Variants in DCBLD2 observed in about 807,000 individuals in gnomAD.
The protein encoded by DCBLD2 is discoidin, CUB and LCCL domain containing 2.
DCBLD2 carries 54 observed loss-of-function variants against 86.8 expected under a neutral mutation model. The observed-to-expected ratio is 0.62, with a 90% CI of 0.50 to 0.78. The LOEUF (loss-of-function observed/expected upper bound fraction) is 0.78, where lower values mean the gene tolerates loss of function less well. DCBLD2 is among the 30% of genes least tolerant of loss of function. The pLI is 0.00. For synonymous variants in DCBLD2, 354 were observed against 341.3 expected (o/e 1.04, Z -0.41); for missense variants, 908 against 954.2 (o/e 0.95, Z 0.64).
intron 9 of DCBLD2, 188 bp from the exon 10 acceptor site, chr3:98,812,670 C>A: frequency 2.1e-6 from 1 of 486,868 alleles, no homozygotes; most frequent in Non-Finnish European, 3.5e-6. Flanking sequence ...ACATTTTTAT[C>A]AAAAGTTTAT....
intron 3 of DCBLD2, among the ~76,000 whole-genome samples, chr3:98,827,459 A>G (rs1559776201): frequency 6.6e-6 from 1 of 152,222 alleles, no homozygotes; most frequent in African/African-American, 2.4e-5. Context: ...AATCTGGTCA[A>G]CTATGGATTA....
chr3:98,863,662 G>T (rs1384665541), intron 2 of DCBLD2, among the ~76,000 whole-genome samples: 4 of 152,180 alleles, frequency 2.6e-5, no homozygotes, highest in Non-Finnish European at 4.4e-5. Context: ...CTAGCCATAT[G>T]TAGAAAGCTG....
intron 2 of DCBLD2, among the ~76,000 whole-genome samples, chr3:98,854,747 A>C (rs1942902659): frequency 6.6e-6 from 1 of 152,198 alleles, no homozygotes; most frequent in South Asian, 2.1e-4. Flanking sequence ...TATTCTTCTT[A>C]AGCAGCAGAT....
At chr3:98,850,435 C>CT (rs1346288750) in intron 2 of DCBLD2, among the ~76,000 whole-genome samples, 40 of 152,250 alleles carry the variant, frequency 2.6e-4, no homozygotes, top group African/African-American at 9.4e-4. Flanking sequence ...CGCATGTGGC[C>CT]TGCAGGCCAC....
At chr3:98,857,254 T>C (rs1228650412) in intron 2 of DCBLD2, among the ~76,000 whole-genome samples, 1 of 152,028 alleles carries the variant, frequency 6.6e-6, no homozygotes, top group Non-Finnish European at 1.5e-5. Flanking sequence ...TTGCGGTGAG[T>C]GTTACAGCTC....
In DCBLD2 at chr3:98,819,345, T is replaced by C. The variant is rs775306628; in HGVS notation, c.944A>G (p.Glu315Gly). 6.2e-7 allele frequency: 1 copy of C among 1,613,726 alleles called. No homozygotes were observed. Among genetic ancestry groups the C allele is most frequent in the Admixed American group, 1.7e-5 (1 of 59,988 alleles). The change falls in exon 8 of 16, where the codon GAG becomes GGG. Residue 315 changes from glutamate (E) to glycine (G), a missense_variant. Glu to Gly is a moderately conservative substitution (Grantham distance 98). Transcript: ENST00000326840. ...CTCTTGCCCTGTGTGGTCAGTCCAC[T>C]CCAGCACAGATGATGCTGTTATTTG... is the stretch of plus-strand genomic sequence containing the variant. ...DPQITASSVL[E>G]WTDHTGQENS...
At chr3:98,827,655 A>G (rs1453930965) in intron 3 of DCBLD2, among the ~76,000 whole-genome samples, 2 of 152,260 alleles carry the variant, frequency 1.3e-5, no homozygotes, top group African/African-American at 4.8e-5. Context: ...GAAGATAAAG[A>G]AAGCCTTAAG....
chr3:98,843,419 T>A (rs998964022), intron 3 of DCBLD2, among the ~76,000 whole-genome samples: 42 of 152,142 alleles, frequency 2.8e-4, no homozygotes, highest in African/African-American at 9.2e-4. Context: ...ACAGATTCTA[T>A]AAAATTACTG....
intron 3 of DCBLD2, among the ~76,000 whole-genome samples, chr3:98,843,652 A>AT (rs1942661109): frequency 6.6e-6 from 1 of 152,168 alleles, no homozygotes; most frequent in Non-Finnish European, 1.5e-5. Flanking sequence ...TGCAGCAAAT[A>AT]TTTTTTATAC....
chr3:98,828,972 A>G (rs1461540717), intron 3 of DCBLD2, among the ~76,000 whole-genome samples: 1 of 152,220 alleles, frequency 6.6e-6, no homozygotes. Context: ...CTATAGCAAT[A>G]AAAAGTAGAT....
At chr3:98,809,491 G>A (rs1280213980) in intron 12 of DCBLD2, among the ~76,000 whole-genome samples, 3 of 152,112 alleles carry the variant, frequency 2.0e-5, no homozygotes, top group Non-Finnish European at 2.9e-5. Flanking sequence ...ACATAAGGAA[G>A]CCCCCTTTTC....
rs530013995 is a variant in DCBLD2, at chr3:98,867,005, T to C, written c.433+14535A>G. Among the ~76,000 whole-genome samples the C allele has an allele frequency of 3.3e-5, 5 of 152,322 alleles. No individual in the cohort carries two copies. In the South Asian group the frequency reaches 1.0e-3, roughly 32 times the overall value. On this transcript the variant is annotated intron_variant, in intron 2 of 15. Coordinates refer to ENST00000326840, the MANE Select transcript of DCBLD2 (RefSeq NM_080927.4). ...TTGTTTTTGTCAGGTTTGTCAAAGATCAGATGGTTGTAGATGTGTGGTATT... is the reference window on the plus strand; with the variant it reads ...TTGTTTTTGTCAGGTTTGTCAAAGACCAGATGGTTGTAGATGTGTGGTATT...
rs993202958 is a variant in DCBLD2 at position 98,901,288 on chromosome 3, C to A, written c.39G>T (p.Pro13=). Residue 13 remains proline (P), a synonymous_variant, in exon 1 of 16, where the codon CCG becomes CCT. Transcript: ENST00000326840. The part of the protein sequence containing the change: ...SRAVVRARRC[P]QCPQVRAAAA... ...CCGCGGCCCGGACTTGGGGACACTG[C>A]GGGCAGCGCCTGGCTCTCACCACCG... The A allele has an allele frequency of 2.6e-6, 4 of 1,521,678 alleles. No homozygotes were observed. The highest frequency in any genetic ancestry group is 2.5e-5 in the East Asian group (1 of 40,326). The allele number at this position is 1,521,678 out of a possible 1,614,324, so 94.3% of individuals were successfully genotyped here.
chr3:98,820,926 C>T (rs1285757370), intron 6 of DCBLD2: 6 of 140,794 alleles, frequency 4.3e-5, no homozygotes, highest in African/African-American at 1.6e-4. Flanking sequence ...AACACTAAAT[C>T]TTTCTAAAGG....
Position 98,804,390 on chromosome 3 carries a change from A to G in DCBLD2, c.1671-2741T>C, listed in dbSNP as rs1032063912. On this transcript the variant is annotated intron_variant, in intron 13 of 15. Coordinates refer to ENST00000326840, the MANE Select transcript of DCBLD2 (RefSeq NM_080927.4). ...TTGTATTTCTGTGGGATCGGTGGTGATATCCCCTTTATCATTTTTTATTGC... is the reference window on the plus strand; with the variant it reads ...TTGTATTTCTGTGGGATCGGTGGTGGTATCCCCTTTATCATTTTTTATTGC... 4.6e-5 allele frequency among the ~76,000 whole-genome samples: 7 copies of G among 151,894 alleles called. No homozygotes were observed. The East Asian group carries it at 1.2e-3, about 25-fold the overall frequency.
At chr3:98,861,561 G>T (rs1244209624) in intron 2 of DCBLD2, among the ~76,000 whole-genome samples, 1 of 152,132 alleles carries the variant, frequency 6.6e-6, no homozygotes, top group Non-Finnish European at 1.5e-5. Context: ...TAGAACTCAG[G>T]ATTAAGAAAC....
chr3:98,830,538 G>A (rs1357983335), intron 3 of DCBLD2, among the ~76,000 whole-genome samples: 1 of 152,142 alleles, frequency 6.6e-6, no homozygotes, highest in African/African-American at 2.4e-5. Context: ...TCGAAGATCA[G>A]GTGGTTGCAG....
intron 8 of DCBLD2, among the ~76,000 whole-genome samples, chr3:98,818,684 C>A (rs1046718216): frequency 6.6e-6 from 1 of 152,178 alleles, no homozygotes; most frequent in Non-Finnish European, 1.5e-5. Context: ...TAAAAACAGG[C>A]AGAAGAAAAT....
At chr3:98,848,095 A>T (rs1942760745) in intron 3 of DCBLD2, among the ~76,000 whole-genome samples, 1 of 152,234 alleles carries the variant, frequency 6.6e-6, no homozygotes, top group Middle Eastern at 3.4e-3. Context: ...CCTGGTATCC[A>T]TTAGTTATTT....
Sources: gnomAD v4.1 joint callset for allele counts (sites outside exome capture counted in the v4.1 genomes callset) on GRCh38, gnomAD v4.1.1 for gene constraint, MANE v1.5 for transcripts, NCBI Gene and HGNC (gene_info 2026-07-23, HGNC 2026-07-21) for gene names.